The following HADHA variants were observed in gnomAD, a reference collection of about 807,000 sequenced individuals.
HADHA encodes trifunctional enzyme subunit alpha, mitochondrial.
Under a neutral mutation model 91.3 loss-of-function variants are expected in HADHA, and 59 were observed. The ratio of observed to expected loss-of-function variants is 0.65; its 90% CI spans 0.52 to 0.80. The LOEUF (loss-of-function observed/expected upper bound fraction) is 0.80, where lower values mean the gene tolerates loss of function less well. Among genes scored for constraint, HADHA ranks in the 30% least tolerant of loss-of-function variants. The probability of loss-of-function intolerance (pLI) is 0.00; values close to 1 mark genes in which losing one functional copy is unlikely to be tolerated. For missense variants in HADHA, 800 were observed against 927.6 expected, an observed-to-expected ratio of 0.86 and a Z score of 1.79; for synonymous variants, 320 against 338.9, an observed-to-expected ratio of 0.94 and a Z score of 0.61.
intron 7 of HADHA, among the ~76,000 whole-genome samples, chr2:26,217,374 G>A (rs1670262381): frequency 6.6e-6 from 1 of 152,172 alleles, no homozygotes; most frequent in South Asian, 2.1e-4. Flanking sequence ...CTCCAAAAAG[G>A]GGAGGGAGAC....
chr2:26,225,461 G>T (rs1055633053), intron 7 of HADHA, among the ~76,000 whole-genome samples: 14 of 150,458 alleles, frequency 9.3e-5, no homozygotes, highest in Middle Eastern at 3.3e-3. Flanking sequence ...GCATTATCCT[G>T]ATGCCAACAC....
chr2:26,238,821 G>A, intron 3 of HADHA, 113 bp downstream of exon 3: 2 of 786,162 alleles, frequency 2.5e-6, no homozygotes, highest in Non-Finnish European at 2.3e-6. Flanking sequence ...GTAAATTCAT[G>A]TAAGATTACT....
chr2:26,224,904 T>C (rs527236430), intron 7 of HADHA, among the ~76,000 whole-genome samples: 12 of 152,294 alleles, frequency 7.9e-5, no homozygotes, highest in Admixed American at 7.2e-4. Context: ...CAGGAATGAA[T>C]GAGGAGACAT....
chr2:26,195,023 G>T, intron 15 of HADHA, 69 bp downstream of exon 15: 1 of 1,237,006 alleles, frequency 8.1e-7, no homozygotes. Flanking sequence ...TTATAAACAA[G>T]CCTGGAGGTA....
intron 7 of HADHA, among the ~76,000 whole-genome samples, chr2:26,227,813 A>G (rs957761888): frequency 6.6e-6 from 1 of 151,710 alleles, no homozygotes; most frequent in Admixed American, 6.6e-5. Context: ...CTCATCTCTA[A>G]ATTTTTTTTT....
chr2:26,217,766 G>T (rs1670275186), intron 7 of HADHA, among the ~76,000 whole-genome samples: 1 of 151,968 alleles, frequency 6.6e-6, no homozygotes, highest in Non-Finnish European at 1.5e-5. Flanking sequence ...AATTAGCTGG[G>T]CATGGTGGTG....
intron 17 of HADHA, 146 bp downstream of exon 17, chr2:26,193,431 T>TG (rs1669570199): frequency 1.3e-6 from 1 of 785,712 alleles, no homozygotes; most frequent in Non-Finnish European, 2.3e-6. Context: ...ACCTGACTCA[T>TG]AAAATCATTT....
At chr2:26,212,730 C>A in intron 9 of HADHA, 104 bp from the exon 10 acceptor site, 2 of 807,628 alleles carry the variant, frequency 2.5e-6, no homozygotes, top group South Asian at 2.7e-5. Context: ...AAGAGTAAGT[C>A]AAAAGTCTAG....
intron 7 of HADHA, among the ~76,000 whole-genome samples, chr2:26,226,018 C>A (rs900287760): frequency 1.8e-4 from 28 of 152,024 alleles, no homozygotes; most frequent in African/African-American, 6.5e-4. Context: ...GATACAAGGT[C>A]CATGTCCAAA....
At chr2:26,211,249 C>G (rs1479229684) in intron 10 of HADHA, among the ~76,000 whole-genome samples, 1 of 152,082 alleles carries the variant, frequency 6.6e-6, no homozygotes, top group Non-Finnish European at 1.5e-5. Flanking sequence ...TTTATGTGCA[C>G]TTGGTTATAT....
intron 12 of HADHA, among the ~76,000 whole-genome samples, chr2:26,203,362 C>A (rs1027233061): frequency 1.1e-4 from 17 of 152,202 alleles, no homozygotes; most frequent in African/African-American, 3.4e-4. Context: ...GAAAACTGAT[C>A]AAACCAACCC....
At position 26,229,484 on chromosome 2, in the gene HADHA, G is replaced by C. The variant is rs995638594; in HGVS notation, c.676+708C>G. Among the ~76,000 whole-genome samples the C allele has an allele frequency of 4.6e-5, 7 of 152,208 alleles. No individual in the cohort carries two copies. Among genetic ancestry groups the C allele is most frequent in the Admixed American group, 2.6e-4 (4 of 15,286 alleles). On this transcript the variant is annotated intron_variant, in intron 7 of 19. Coordinates refer to ENST00000380649, the MANE Select transcript of HADHA (RefSeq NM_000182.5). The surrounding 1 kb of genome is among the most constrained non-coding windows in gnomAD (Gnocchi z 4.3). ...CAGAATAGTGGCTTCTTTGGATAAA[G>C]GGAGGCAAAGAAACTGAATGGGAGG...
At chr2:26,218,532 A>T (rs925185068) in intron 7 of HADHA, among the ~76,000 whole-genome samples, 5 of 152,178 alleles carry the variant, frequency 3.3e-5, no homozygotes, top group African/African-American at 9.7e-5. Context: ...GGCAACTATA[A>T]AAAAGATCTT....
intron 7 of HADHA, among the ~76,000 whole-genome samples, chr2:26,224,593 C>T (rs997382807): frequency 1.3e-5 from 2 of 152,314 alleles, no homozygotes; most frequent in African/African-American, 4.8e-5. Flanking sequence ...GAGTGAATTT[C>T]ACCCAAGGAC....
At chr2:26,198,374 T>TC (rs1426683425) in intron 13 of HADHA, among the ~76,000 whole-genome samples, 1 of 151,486 alleles carries the variant, frequency 6.6e-6, no homozygotes, top group African/African-American at 2.4e-5. Flanking sequence ...TTCATGTTTT[T>TC]TTTTTGTTTT....
chr2:26,208,745 C>T (rs146900878), intron 11 of HADHA, among the ~76,000 whole-genome samples: 18 of 152,148 alleles, frequency 1.2e-4, no homozygotes, highest in Non-Finnish European at 1.9e-4. Flanking sequence ...CCCTGCTCAT[C>T]GAATGCAAGG....
chr2:26,244,300 AG>A (rs1671015324), intron 1 of HADHA, among the ~76,000 whole-genome samples: 1 of 152,258 alleles, frequency 6.6e-6, no homozygotes, highest in African/African-American at 2.4e-5. Context: ...CACCAGACTC[AG>A]AAAGTTGGGG....
At chr2:26,236,316 G>A (rs1052965527) in intron 4 of HADHA, among the ~76,000 whole-genome samples, 1 of 149,660 alleles carries the variant, frequency 6.7e-6, no homozygotes, top group Non-Finnish European at 1.5e-5. Context: ...TAAACAAGGG[G>A]TGAGATTTCT....
chr2:26,201,311 GTCAT>G lies in HADHA; in HGVS notation c.1226_1229del (p.Asn409ThrfsTer3). The G allele has an allele frequency of 6.2e-7, 1 of 1,606,994 alleles. No homozygotes were observed. Among genetic ancestry groups the G allele is most frequent in the Non-Finnish European group, 8.5e-7 (1 of 1,173,586 alleles). On this transcript the variant is annotated frameshift_variant, in exon 13 of 20. Transcript: ENST00000380649. LOFTEE classifies it high-confidence loss of function. Reference sequence around the variant, plus strand: ...ATGTTAGAGCTTTCTTCTTCACTTTGTCATTCAATCTAGAAAAAACACATTCCTA... The same window carrying G: ...ATGTTAGAGCTTTCTTCTTCACTTTGTCAATCTAGAAAAAACACATTCCTA...
Sources: gnomAD v4.1 joint callset for allele counts (sites outside exome capture counted in the v4.1 genomes callset) on GRCh38, gnomAD v4.1.1 for gene constraint, Gnocchi (gnomAD v3.1) non-coding constraint, MANE v1.5 for transcripts, NCBI Gene and HGNC (gene_info 2026-07-23, HGNC 2026-07-21) for gene names.